The following VTA1 variants were observed in gnomAD, a reference collection of about 807,000 sequenced individuals.
VTA1 encodes the protein vesicle trafficking 1.
Under a neutral mutation model 36.9 loss-of-function variants are expected in VTA1, and 24 were observed. The ratio of observed to expected loss-of-function variants is 0.65; its 90% CI spans 0.47 to 0.91. VTA1 has a LOEUF of 0.91. Among genes scored for constraint, VTA1 ranks in the 40% least tolerant of loss-of-function variants. VTA1 has a pLI of 0.00. For missense variants in VTA1, 393 were observed against 377.2 expected, an observed-to-expected ratio of 1.04 and a Z score of -0.35; for synonymous variants, 142 against 130.2, an observed-to-expected ratio of 1.09 and a Z score of -0.62.
At chr6:142,183,429 G>A (rs1043591192) in intron 4 of VTA1, among the ~76,000 whole-genome samples, 5 of 152,078 alleles carry the variant, frequency 3.3e-5, no homozygotes, top group Admixed American at 1.3e-4. Flanking sequence ...CCCTCCTCCC[G>A]CCTATGGTTG....
intron 2 of VTA1, among the ~76,000 whole-genome samples, chr6:142,167,025 G>A (rs1774929975): frequency 6.6e-6 from 1 of 152,110 alleles, no homozygotes; most frequent in Non-Finnish European, 1.5e-5. Context: ...TGTGTATTTA[G>A]TGAAAGGAAC....
chr6:142,188,225 C>CTTTTTTTTTTTTTTTTTT (rs200348683), intron 4 of VTA1, among the ~76,000 whole-genome samples: 4 of 78,928 alleles, frequency 5.1e-5, no homozygotes, highest in African/African-American at 9.7e-5. Flanking sequence ...TTCTTTATTT[C>CTTTTTTTTTTTTTTTTTT]TTTTTTTTTT....
chr6:142,222,917 T>A lies in VTA1; in HGVS notation c.*4274T>A, dbSNP rs1776137342. ...GGTAGGCTTTATTTCTGTTTTAAGA[T>A]GAGGAAAGGGAGCCACAGAGTAACA... is the stretch of plus-strand genomic sequence containing the variant. On this transcript the variant is annotated 3_prime_UTR_variant, in exon 8 of 8. Transcript: ENST00000367630. The A allele has an allele frequency of 6.6e-6, 1 of 152,228 alleles. No individual in the cohort carries two copies. Among genetic ancestry groups the A allele is most frequent in the African/African-American group, 2.4e-5 (1 of 41,462 alleles). The allele number at this position is 152,228 out of a possible 1,614,324, so 9.4% of individuals were successfully genotyped here. A position where few individuals can be genotyped will look rare whatever the true frequency, so the allele number is the denominator to read the frequency against.
At chr6:142,199,888 A>C (rs1053988488) in intron 6 of VTA1, among the ~76,000 whole-genome samples, 1 of 152,112 alleles carries the variant, frequency 6.6e-6, no homozygotes, top group Non-Finnish European at 1.5e-5. Context: ...GAACACTTTT[A>C]AGTATTTTAT....
intron 7 of VTA1, among the ~76,000 whole-genome samples, chr6:142,211,604 G>A (rs1171329743): frequency 2.0e-5 from 3 of 151,868 alleles, no homozygotes; most frequent in Admixed American, 6.6e-5. Context: ...CCAGCTACTC[G>A]GGAGGCTGAG....
intron 7 of VTA1, among the ~76,000 whole-genome samples, chr6:142,214,987 G>A (rs1039667205): frequency 1.3e-5 from 2 of 152,206 alleles, no homozygotes; most frequent in African/African-American, 4.8e-5. Flanking sequence ...ATGCATATAT[G>A]TGTGATATTA....
chr6:142,170,779 A>G (rs978161982), intron 4 of VTA1, among the ~76,000 whole-genome samples: 4 of 151,766 alleles, frequency 2.6e-5, no homozygotes, highest in African/African-American at 9.7e-5. Flanking sequence ...GACTACAGGC[A>G]CAAGGCACCA....
At position 142,208,469 on chromosome 6, in the gene VTA1, A is replaced by T. The variant is rs561057954; in HGVS notation, c.778+4404A>T. Among the ~76,000 whole-genome samples, 477 of 152,300 alleles carry T rather than the reference A, an allele frequency of 3.1e-3. 1 individual carries two copies. Among genetic ancestry groups the T allele is most frequent in the African/African-American group, 0.011 (461 of 41,568 alleles). ...CCTCAGAAGACCAAATCTAAGAGCC[A>T]TTGATGTTCAAGAGGGAGCTGAGCG... is the stretch of plus-strand genomic sequence containing the variant. On this transcript the variant is annotated intron_variant, in intron 7 of 7. Transcript: ENST00000367630.
intron 1 of VTA1, 71 bp from the exon 2 acceptor site, chr6:142,166,157 A>G (rs1190766818): frequency 5.3e-6 from 5 of 944,392 alleles, no homozygotes; most frequent in Non-Finnish European, 7.7e-6. Flanking sequence ...ATTAGCAATT[A>G]TATTTTAAAC....
Position 142,173,416 on chromosome 6 carries a change from G to A in VTA1, c.411+2995G>A, listed in dbSNP as rs1043602005. Among the ~76,000 whole-genome samples the A allele has an allele frequency of 7.2e-5, 11 of 152,326 alleles. No homozygotes were observed. In the East Asian group the frequency reaches 1.5e-3, roughly 21 times the overall value. On this transcript the variant is annotated intron_variant, in intron 4 of 7. Transcript: ENST00000367630. ...TTTATTGTGCTCTGGGCCTACAGGC[G>A]TGCGCCACCATGCCTGGCTAATTTT... is the stretch of plus-strand genomic sequence containing the variant.
chr6:142,180,981 A>G (rs547714057), intron 4 of VTA1, among the ~76,000 whole-genome samples: 1 of 150,532 alleles, frequency 6.6e-6, no homozygotes, highest in African/African-American at 2.4e-5. Context: ...CTGTGTAACT[A>G]TTAAATTTTC....
At position 142,166,276 on chromosome 6, in the gene VTA1, C is replaced by T. The variant is rs141564366; in HGVS notation, c.161C>T (p.Pro54Leu). 1.2e-6 allele frequency: 2 copies of T among 1,612,102 alleles called. No homozygotes were observed. Among genetic ancestry groups the T allele is most frequent in the African/African-American group, 2.7e-5 (2 of 74,836 alleles). Residue 54 changes from proline to leucine, a missense_variant, in exon 2 of 8, where the codon CCT becomes CTT. By Grantham distance (98) the Pro-to-Leu change is moderately conservative. Transcript: ENST00000367630. The stretch of plus-strand genomic sequence containing the variant: ...GGAATGAAGATCGATAGTAAAACTC[C>T]TGAATGTCGCAAATTTTTATCAAAG... ...QTGMKIDSKT[P>L]ECRKFLSKLM...
intron 7 of VTA1, 130 bp downstream of exon 7, chr6:142,204,195 T>C: frequency 1.2e-6 from 1 of 813,348 alleles, no homozygotes; most frequent in South Asian, 1.6e-5. Context: ...TAATTTGAAA[T>C]AAATTTCCTT....
At chr6:142,176,470 A>T (rs555684422) in intron 4 of VTA1, among the ~76,000 whole-genome samples, 71 of 152,322 alleles carry the variant, frequency 4.7e-4, no homozygotes, top group Middle Eastern at 3.4e-3. Context: ...CTATGCTTAG[A>T]CACCTTGTTT....
At chr6:142,216,466 A>G (rs747594376) in intron 7 of VTA1, among the ~76,000 whole-genome samples, 26 of 152,110 alleles carry the variant, frequency 1.7e-4, no homozygotes, top group Non-Finnish European at 3.2e-4. Flanking sequence ...AAATATCTCT[A>G]TATGTTTATA....
At chr6:142,181,094 A>AAAATATATATATATATATATATAT (rs1471429927) in intron 4 of VTA1, among the ~76,000 whole-genome samples, 52 of 36,376 alleles carry the variant, frequency 1.4e-3, no homozygotes, top group Non-Finnish European at 2.5e-3. Flanking sequence ...AAAAAAAAAA[A>AAAATATATATATATATATATATAT]ATATATATAT....
At chr6:142,177,351 A>C (rs1329123292) in intron 4 of VTA1, among the ~76,000 whole-genome samples, 1 of 152,224 alleles carries the variant, frequency 6.6e-6, no homozygotes, top group South Asian at 2.1e-4. Flanking sequence ...GACTTTGGGT[A>C]AGTTAACTTA....
At position 142,219,260 on chromosome 6, in the gene VTA1, G is replaced by T. The variant is rs1776060179; in HGVS notation, c.*617G>T. 6.6e-6 allele frequency: 1 copy of T among 152,194 alleles called. No individual in the cohort carries two copies. The highest frequency in any genetic ancestry group is 1.5e-5 in the Non-Finnish European group (1 of 68,034). The allele number at this position is 152,194 out of a possible 1,614,324, so 9.4% of individuals were successfully genotyped here. ...AGGTAAAGAGGTAGAATCACTTTCA[G>T]ACTTAAGAATAATGTTGATTTCCCA... is the stretch of plus-strand genomic sequence containing the variant. On this transcript the variant is annotated 3_prime_UTR_variant, in exon 8 of 8. Transcript: ENST00000367630.
chr6:142,150,045 T>C (rs374415546), intron 1 of VTA1, among the ~76,000 whole-genome samples: 10 of 152,312 alleles, frequency 6.6e-5, no homozygotes, highest in African/African-American at 2.4e-4. Flanking sequence ...TTTAACCCTT[T>C]TATTGAATTT....
Sources: gnomAD v4.1 joint callset for allele counts (sites outside exome capture counted in the v4.1 genomes callset) on GRCh38, gnomAD v4.1.1 for gene constraint, MANE v1.5 for transcripts, NCBI Gene and HGNC (gene_info 2026-07-23, HGNC 2026-07-21) for gene names.